Variants in ZNF609 observed in about 807,000 individuals in gnomAD.
ZNF609 encodes zinc finger protein 609.
Under a neutral mutation model 109.5 loss-of-function variants are expected in ZNF609, and 11 were observed. The observed-to-expected ratio is 0.10, with a 90% CI of 0.06 to 0.17. The LOEUF (loss-of-function observed/expected upper bound fraction) is 0.17, where lower values mean the gene tolerates loss of function less well. ZNF609 is among the 10% of genes least tolerant of loss of function. The pLI is 1.00. For synonymous variants in ZNF609, 646 were observed against 662.0 expected (o/e 0.98, Z 0.37); for missense variants, 1,559 against 1,772.4 (o/e 0.88, Z 2.16).
At chr15:64,482,655 T>A (rs1017243979) in intron 1 of ZNF609, among the ~76,000 whole-genome samples, 6 of 152,214 alleles carry the variant, frequency 3.9e-5, no homozygotes, top group Non-Finnish European at 8.8e-5. Flanking sequence ...TGAGATGATT[T>A]GGTGCCAGTC....
At chr15:64,624,712 C>T (rs1425459552) in intron 3 of ZNF609, among the ~76,000 whole-genome samples, 2 of 150,842 alleles carry the variant, frequency 1.3e-5, no homozygotes, top group African/African-American at 4.9e-5. Context: ...GACTCTCTGT[C>T]AGGTTGTCAC....
At chr15:64,481,699 G>A (rs901256861) in intron 1 of ZNF609, among the ~76,000 whole-genome samples, 1 of 152,120 alleles carries the variant, frequency 6.6e-6, no homozygotes, top group Non-Finnish European at 1.5e-5. Context: ...AGACTGATTA[G>A]GAACAACCTA....
At chr15:64,524,061 A>T (rs1331794919) in intron 2 of ZNF609, among the ~76,000 whole-genome samples, 2 of 148,988 alleles carry the variant, frequency 1.3e-5, no homozygotes, top group Non-Finnish European at 1.5e-5. Context: ...GAAATAATTC[A>T]TGTTTTCTTT....
At chr15:64,459,783 G>A (rs1469448613), upstream of ZNF609, among the ~76,000 whole-genome samples, 1 of 152,188 alleles carries the variant, frequency 6.6e-6, no homozygotes, top group Non-Finnish European at 1.5e-5. Flanking sequence ...TTTCACAAGT[G>A]AAAGCTGGGT....
chr15:64,515,892 C>T (rs948885649), intron 2 of ZNF609, among the ~76,000 whole-genome samples: 4 of 150,650 alleles, frequency 2.7e-5, no homozygotes, highest in Admixed American at 6.6e-5. Context: ...GAGCTGAGAT[C>T]GCGCCATTGC....
At chr15:64,576,982 GT>G (rs1894973649) in intron 2 of ZNF609, among the ~76,000 whole-genome samples, 1 of 122,462 alleles carries the variant, frequency 8.2e-6, no homozygotes, top group South Asian at 2.5e-4. Context: ...ATATATATAT[GT>G]ATGTATACAC....
At chr15:64,577,030 ATATG>A (rs1331131883) in intron 2 of ZNF609, among the ~76,000 whole-genome samples, 1 of 134,630 alleles carries the variant, frequency 7.4e-6, no homozygotes, top group African/African-American at 2.7e-5. Flanking sequence ...ATAAATATAT[ATATG>A]TATATATACA....
chr15:64,621,230 A>G (rs536939858), intron 2 of ZNF609, among the ~76,000 whole-genome samples: 3 of 152,344 alleles, frequency 2.0e-5, no homozygotes, highest in South Asian at 4.1e-4. Flanking sequence ...GTGTCTTTGC[A>G]TATGCAAGAC....
chr15:64,678,357 C>T lies in ZNF609; in HGVS notation c.3644C>T (p.Ser1215Phe). 6.2e-7 allele frequency: 1 copy of T among 1,614,112 alleles called. No homozygotes were observed. Among genetic ancestry groups the T allele is most frequent in the Non-Finnish European group, 8.5e-7 (1 of 1,180,016 alleles). ...EPRPSVHVPVSSPLTQHQSYI... is the reference protein window; with the variant it reads ...EPRPSVHVPVFSPLTQHQSYI... ...CGGCCAAGTGTCCATGTGCCTGTGT[C>T]CTCCCCACTTACCCAGCACCAGTCC... The change falls in exon 6 of 10, where the codon TCC becomes TTC. Residue 1215 changes from serine to phenylalanine, a missense_variant. By Grantham distance (155) the Ser-to-Phe change is radical. Transcript: ENST00000326648.
rs750842572 is a variant in ZNF609, at chr15:64,675,498, C to G, written c.2644C>G (p.Pro882Ala). The change falls in exon 5 of 10, where the codon CCT (proline) becomes GCT (alanine). Residue 882 changes from proline to alanine, a missense_variant. Physicochemically the swap from Pro to Ala is conservative, Grantham distance 27 (BLOSUM62 -1). Transcript: ENST00000326648. ...KEGAKKTLFPPQPQSKDSPYY... is the reference protein window; with the variant it reads ...KEGAKKTLFPAQPQSKDSPYY... The stretch of plus-strand genomic sequence containing the variant: ...AGGGGCTAAGAAAACTCTTTTTCCC[C>G]CTCAGCCTCAGAGCAAAGACTCACC... 7 of 1,614,036 alleles carry G rather than the reference C, an allele frequency of 4.3e-6. No individual in the cohort carries two copies. Among genetic ancestry groups the G allele is most frequent in the Non-Finnish European group, 3.4e-6 (4 of 1,180,008 alleles).
At chr15:64,618,172 C>CTAGA (rs939744229) in intron 2 of ZNF609, among the ~76,000 whole-genome samples, 2 of 152,066 alleles carry the variant, frequency 1.3e-5, no homozygotes, top group African/African-American at 4.8e-5. Context: ...GTTGCACAGG[C>CTAGA]TAGAGTACAG....
chr15:64,507,136 C>A (rs1252878795), intron 2 of ZNF609, among the ~76,000 whole-genome samples: 1 of 152,134 alleles, frequency 6.6e-6, no homozygotes, highest in Non-Finnish European at 1.5e-5. Context: ...ATATCCCTGG[C>A]ATGGGGTTGG....
intron 2 of ZNF609, among the ~76,000 whole-genome samples, chr15:64,524,409 C>A (rs1893939221): frequency 6.6e-6 from 1 of 152,138 alleles, no homozygotes; most frequent in African/African-American, 2.4e-5. Context: ...ACTAAAAATA[C>A]AAAAATTAGC....
intron 2 of ZNF609, among the ~76,000 whole-genome samples, chr15:64,601,342 A>AT (rs1225921530): frequency 6.6e-6 from 1 of 152,150 alleles, no homozygotes; most frequent in Non-Finnish European, 1.5e-5. Flanking sequence ...CCTAACAGCC[A>AT]GGTAAGATAG....
Position 64,676,124 on chromosome 15 carries a change from G to A in ZNF609, c.3270G>A (p.Pro1090=), listed in dbSNP as rs200683198. The A allele has an allele frequency of 3.7e-5, 60 of 1,614,186 alleles. No homozygotes were observed. The East Asian group carries it at 8.9e-4, about 24-fold the overall frequency. Residue 1090 remains proline, a synonymous_variant, in exon 5 of 10, where the codon CCG becomes CCA. Coordinates refer to ENST00000326648, the MANE Select transcript of ZNF609 (RefSeq NM_015042.2). The part of the protein sequence containing the change: ...IPKLDDSSKL[P]GQAPEGLKVK... ...AGTTAGATGACTCTTCAAAACTCCCGGGCCAGGCCCCTGAAGGCCTTAAAG... is the reference window on the plus strand; with the variant it reads ...AGTTAGATGACTCTTCAAAACTCCCAGGCCAGGCCCCTGAAGGCCTTAAAG...
At chr15:64,563,635 G>T (rs1201188188) in intron 2 of ZNF609, among the ~76,000 whole-genome samples, 6 of 151,782 alleles carry the variant, frequency 4.0e-5, no homozygotes, top group Non-Finnish European at 8.8e-5. Flanking sequence ...ATTTAGCCGG[G>T]CATGGTGGCG....
chr15:64,593,799 GT>G (rs1165757589), intron 2 of ZNF609, among the ~76,000 whole-genome samples: 1 of 152,158 alleles, frequency 6.6e-6, no homozygotes, highest in Non-Finnish European at 1.5e-5. Flanking sequence ...GGGATTACAG[GT>G]GTAAGCCACT....
chr15:64,506,342 C>G (rs575992452), intron 2 of ZNF609, among the ~76,000 whole-genome samples: 3 of 150,814 alleles, frequency 2.0e-5, no homozygotes, highest in East Asian at 4.1e-4. Context: ...AGGCTGGTGT[C>G]GAGCTCCTGG....
chr15:64,612,708 G>T (rs1473228622), intron 2 of ZNF609, among the ~76,000 whole-genome samples: 1 of 150,256 alleles, frequency 6.7e-6, no homozygotes, highest in Non-Finnish European at 1.5e-5. Context: ...CAGGGTCCAA[G>T]TGTAGTTACT....
Sources: gnomAD v4.1 joint callset for allele counts (sites outside exome capture counted in the v4.1 genomes callset) on GRCh38, gnomAD v4.1.1 for gene constraint, MANE v1.5 for transcripts, NCBI Gene and HGNC (gene_info 2026-07-23, HGNC 2026-07-21) for gene names.